Variants in EDIL3 observed in about 807,000 individuals in gnomAD.
EDIL3 encodes the protein EGF like and discoidin domains 3.
A neutral mutation model predicts 67.4 loss-of-function variants in EDIL3; 37 were observed. The observed-to-expected ratio is 0.55, with a 90% CI of 0.42 to 0.72. The LOEUF (loss-of-function observed/expected upper bound fraction) is 0.72, where lower values mean the gene tolerates loss of function less well. EDIL3 is among the 30% of genes least tolerant of loss of function. The pLI, the probability that EDIL3 is intolerant of heterozygous loss-of-function variation, is 0.00. For missense variants in EDIL3, 527 were observed against 586.3 expected, an observed-to-expected ratio of 0.90 and a Z score of 1.04; for synonymous variants, 195 against 196.3, an observed-to-expected ratio of 0.99 and a Z score of 0.05.
chr5:84,207,582 T>C (rs1215164883), intron 3 of EDIL3, among the ~76,000 whole-genome samples: 2 of 151,456 alleles, frequency 1.3e-5, no homozygotes, highest in Non-Finnish European at 3.0e-5. Flanking sequence ...AGAGCCCGCA[T>C]CGCCAAGTCA....
At chr5:84,190,679 C>G (rs1418500414) in intron 3 of EDIL3, among the ~76,000 whole-genome samples, 1 of 151,182 alleles carries the variant, frequency 6.6e-6, no homozygotes, top group Non-Finnish European at 1.5e-5. Flanking sequence ...CTCTAAGCAA[C>G]TACAAAAATT....
chr5:84,183,313 A>T (rs1455048709), intron 3 of EDIL3, among the ~76,000 whole-genome samples: 1 of 152,144 alleles, frequency 6.6e-6, no homozygotes, highest in Admixed American at 6.6e-5. Flanking sequence ...TACCCCTCAG[A>T]GCATCAACTA....
At chr5:84,262,158 C>G (rs1048537478) in intron 1 of EDIL3, among the ~76,000 whole-genome samples, 2 of 152,162 alleles carry the variant, frequency 1.3e-5, no homozygotes, top group Non-Finnish European at 2.9e-5. Context: ...CAGTGGTTCT[C>G]AGACTTTACT....
intron 4 of EDIL3, among the ~76,000 whole-genome samples, chr5:84,146,277 A>C (rs1748288768): frequency 6.6e-6 from 1 of 152,114 alleles, no homozygotes; most frequent in African/African-American, 2.4e-5. Context: ...AATAAACTGA[A>C]AGTGTAAATA....
intron 6 of EDIL3, among the ~76,000 whole-genome samples, chr5:84,105,360 A>G (rs1747440052): frequency 1.3e-5 from 2 of 152,086 alleles, no homozygotes; most frequent in Admixed American, 1.3e-4. Flanking sequence ...TCTATAGATA[A>G]AAGAAATGTT....
chr5:84,089,385 CCT>C (rs1321980640), intron 6 of EDIL3, among the ~76,000 whole-genome samples: 1 of 152,216 alleles, frequency 6.6e-6, no homozygotes, highest in Non-Finnish European at 1.5e-5. Flanking sequence ...AATGATGCAT[CCT>C]CAAGCTCTCT....
intron 1 of EDIL3, among the ~76,000 whole-genome samples, chr5:84,291,874 A>G (rs1035373425): frequency 6.6e-6 from 1 of 150,980 alleles, no homozygotes; most frequent in African/African-American, 2.4e-5. Context: ...ATAGAAAGTA[A>G]TAACTTTAAC....
intron 3 of EDIL3, among the ~76,000 whole-genome samples, chr5:84,204,404 G>C (rs1459800319): frequency 1.3e-5 from 2 of 151,998 alleles, no homozygotes; most frequent in Non-Finnish European, 2.9e-5. Context: ...ATCAAATGTA[G>C]ATTAAAAATA....
chr5:84,336,847 G>T (rs1016879130), intron 1 of EDIL3, among the ~76,000 whole-genome samples: 1 of 151,996 alleles, frequency 6.6e-6, no homozygotes, highest in African/African-American at 2.4e-5. Context: ...TCCTTAAAGT[G>T]AGATCTTATC....
chr5:84,234,990 T>G (rs1454311467), intron 2 of EDIL3, among the ~76,000 whole-genome samples: 2 of 152,096 alleles, frequency 1.3e-5, no homozygotes, highest in Non-Finnish European at 2.9e-5. Flanking sequence ...GTTTGTGTGT[T>G]GAGGGAAGCA....
intron 9 of EDIL3, among the ~76,000 whole-genome samples, chr5:83,993,998 T>C (rs1387861856): frequency 6.6e-6 from 1 of 152,192 alleles, no homozygotes; most frequent in Non-Finnish European, 1.5e-5. Flanking sequence ...GCCACTGTGG[T>C]CCCTAATGCT....
intron 3 of EDIL3, among the ~76,000 whole-genome samples, chr5:84,216,110 C>T (rs1007633074): frequency 2.0e-5 from 3 of 152,212 alleles, no homozygotes; most frequent in East Asian, 1.9e-4. Context: ...GCTAAAAAGA[C>T]CTGGTGGACT....
At chr5:84,019,575 C>T (rs954888084) in intron 9 of EDIL3, among the ~76,000 whole-genome samples, 58 of 151,740 alleles carry the variant, frequency 3.8e-4, no homozygotes, top group Non-Finnish European at 1.9e-4. Flanking sequence ...AAATAACAAC[C>T]ACAGAAACCC....
chr5:84,181,897 T>C (rs926486346), intron 3 of EDIL3, among the ~76,000 whole-genome samples: 1 of 152,098 alleles, frequency 6.6e-6, no homozygotes, highest in African/African-American at 2.4e-5. Context: ...ATGTACATAT[T>C]AGAAAAGGAA....
At chr5:84,315,597 T>G (rs1193745938) in intron 1 of EDIL3, among the ~76,000 whole-genome samples, 2 of 152,168 alleles carry the variant, frequency 1.3e-5, no homozygotes, top group Non-Finnish European at 2.9e-5. Context: ...TTTTAAAAAG[T>G]TGCCTGCAAG....
chr5:83,977,126 T>C (rs1214125630), intron 9 of EDIL3, among the ~76,000 whole-genome samples: 2 of 151,824 alleles, frequency 1.3e-5, no homozygotes, highest in African/African-American at 4.8e-5. Context: ...TTTTGGTTGA[T>C]GAGTATACGA....
At chr5:84,075,986 G>C (rs1381337437) in intron 6 of EDIL3, among the ~76,000 whole-genome samples, 2 of 146,626 alleles carry the variant, frequency 1.4e-5, no homozygotes, top group African/African-American at 5.0e-5. Flanking sequence ...TATCATATTA[G>C]AAATTAATAC....
chr5:84,165,293 T>A (rs1290399346), intron 4 of EDIL3, among the ~76,000 whole-genome samples: 1 of 152,164 alleles, frequency 6.6e-6, no homozygotes, highest in African/African-American at 2.4e-5. Context: ...TACCAGATGA[T>A]GTTTAGAGTT....
intron 4 of EDIL3, among the ~76,000 whole-genome samples, chr5:84,144,241 C>T (rs759177164): frequency 2.8e-4 from 42 of 151,078 alleles, no homozygotes; most frequent in Non-Finnish European, 4.6e-4. Context: ...TCTTTCCTTG[C>T]CTCCCTTCCT....
Sources: allele counts gnomAD v4.1 joint callset (sites outside exome capture counted in the v4.1 genomes callset), GRCh38; gene constraint gnomAD v4.1.1; transcripts MANE v1.5; gene names NCBI Gene and HGNC (gene_info 2026-07-23, HGNC 2026-07-21).